Variants in NCOA7 observed in about 807,000 individuals in gnomAD.
The protein encoded by NCOA7 is 140 kDa estrogen receptor-associated protein.
In NCOA7, 45 loss-of-function variants were observed where a neutral mutation model predicts 104.3. The ratio of observed to expected loss-of-function variants is 0.43; its 90% CI spans 0.34 to 0.55. The LOEUF is 0.55. Among genes scored for constraint, NCOA7 ranks in the 20% least tolerant of loss-of-function variants. The probability of loss-of-function intolerance (pLI) is 0.02; values close to 1 mark genes in which losing one functional copy is unlikely to be tolerated. For synonymous variants in NCOA7, 398 were observed against 402.3 expected (o/e 0.99, Z 0.13); for missense variants, 1,041 against 1,119.7 (o/e 0.93, Z 1.00).
At chr6:125,895,298 G>A (rs575832776) in intron 10 of NCOA7, among the ~76,000 whole-genome samples, 1 of 152,216 alleles carries the variant, frequency 6.6e-6, no homozygotes, top group African/African-American at 2.4e-5. Flanking sequence ...TTTTTAAGTT[G>A]GTTAGTGTGA....
At chr6:125,825,493 T>A (rs1778588443) in intron 2 of NCOA7, among the ~76,000 whole-genome samples, 1 of 152,236 alleles carries the variant, frequency 6.6e-6, no homozygotes, top group Admixed American at 6.5e-5. Flanking sequence ...AATATATTAC[T>A]GTTGATTATG....
rs188143476 is a variant in NCOA7 at position 125,815,960 on chromosome 6, G to A, written c.50+556G>A. ...AGTATATGATTGGTTACCATTTACA[G>A]ATTTAAATGTCTATGTGGCACTCAC... is the stretch of plus-strand genomic sequence containing the variant. On this transcript the variant is annotated intron_variant, in intron 2 of 15. Coordinates refer to ENST00000392477, the MANE Select transcript of NCOA7 (RefSeq NM_181782.5). 1.4e-3 allele frequency among the ~76,000 whole-genome samples: 210 copies of A among 152,272 alleles called. 4 individuals carry two copies. Among genetic ancestry groups the A allele is most frequent in the East Asian group, 9.6e-3 (50 of 5,182 alleles).
At chr6:125,850,789 A>C (rs998750184) in intron 2 of NCOA7, among the ~76,000 whole-genome samples, 1 of 152,248 alleles carries the variant, frequency 6.6e-6, no homozygotes, top group African/African-American at 2.4e-5. Flanking sequence ...CAGCCAATAC[A>C]TCAGAATCAG....
Position 125,815,404 on chromosome 6 carries a change from G to T in NCOA7, c.50G>T (p.Arg17Leu), listed in dbSNP as rs768808874. 1 of 1,607,096 alleles carries T rather than the reference G, an allele frequency of 6.2e-7. No individual in the cohort carries two copies. Among genetic ancestry groups the T allele is most frequent in the Non-Finnish European group, 8.5e-7 (1 of 1,176,618 alleles). Reference sequence around the variant, plus strand: ...GAACGGAAACAAAGTTATTTTGCTCGGTAAGCATTCATTTTACAAAATTGT... The same window carrying T: ...GAACGGAAACAAAGTTATTTTGCTCTGTAAGCATTCATTTTACAAAATTGT... ...KKERKQSYFA[R>L]LKKKKQAKQN... Residue 17 changes from arginine (R) to leucine (L), a missense_variant and splice_region_variant, in exon 2 of 16, where the codon CGA becomes CTA. By Grantham distance (102) the Arg-to-Leu change is moderately radical. Transcript: ENST00000392477.
chr6:125,906,712 A>G (rs1311123434), intron 10 of NCOA7, among the ~76,000 whole-genome samples: 1 of 152,128 alleles, frequency 6.6e-6, no homozygotes, highest in Non-Finnish European at 1.5e-5. Flanking sequence ...CATAGCTGGT[A>G]TAGCCAGGAG....
intron 11 of NCOA7, among the ~76,000 whole-genome samples, chr6:125,916,133 C>T (rs749669104): frequency 1.8e-4 from 28 of 152,246 alleles, no homozygotes; most frequent in Admixed American, 1.0e-3. Flanking sequence ...TTTCCCCGTG[C>T]TGTTCTCATG....
intron 1 of NCOA7, among the ~76,000 whole-genome samples, chr6:125,792,488 G>C: frequency 6.6e-6 from 1 of 152,286 alleles, no homozygotes; most frequent in East Asian, 1.9e-4. Context: ...AGTTACGCCA[G>C]AGGAAACAAT....
chr6:125,793,244 C>G (rs536342965), intron 1 of NCOA7, among the ~76,000 whole-genome samples: 1 of 152,258 alleles, frequency 6.6e-6, no homozygotes, highest in East Asian at 1.9e-4. Context: ...AAATTTGTAA[C>G]CCAGGGTATT....
At chr6:125,795,972 G>C (rs763178304) in intron 1 of NCOA7, among the ~76,000 whole-genome samples, 56 of 152,126 alleles carry the variant, frequency 3.7e-4, no homozygotes, top group Non-Finnish European at 1.8e-4. Context: ...CTAATTGCCA[G>C]TTTCTGCACG....
chr6:125,842,030 TAAGA>T (rs1417290208), intron 2 of NCOA7, among the ~76,000 whole-genome samples: 4 of 152,274 alleles, frequency 2.6e-5, no homozygotes, highest in African/African-American at 9.6e-5. Flanking sequence ...CAGATTAATA[TAAGA>T]GTTTATTTTT....
chr6:125,919,952 G>A (rs1787426287), intron 11 of NCOA7, among the ~76,000 whole-genome samples: 1 of 152,160 alleles, frequency 6.6e-6, no homozygotes, highest in Admixed American at 6.5e-5. Flanking sequence ...ACATTTTGGT[G>A]AATTAGTTGT....
At position 125,865,599 on chromosome 6, in the gene NCOA7, G is replaced by T. The variant is rs183011956; in HGVS notation, c.272-9290G>T. Among the ~76,000 whole-genome samples the T allele has an allele frequency of 1.1e-4, 15 of 136,868 alleles. 2 individuals are homozygous for T. The highest frequency in any genetic ancestry group is 4.6e-4 in the African/African-American group (15 of 32,660). 89.8% of individuals were successfully genotyped at this position (136,868 alleles called of 152,430 possible). A position where few individuals can be genotyped will look rare whatever the true frequency, so the allele number is the denominator to read the frequency against. Reference sequence around the variant, plus strand: ...TTAATTGTGCTTTTTATAGAGTCAGGTCAATAATTTGAGATGTGTGCATCG... The same window carrying T: ...TTAATTGTGCTTTTTATAGAGTCAGTTCAATAATTTGAGATGTGTGCATCG... On this transcript the variant is annotated intron_variant, in intron 3 of 15. Transcript: ENST00000392477.
intron 3 of NCOA7, 144 bp from the exon 4 acceptor site, chr6:125,874,745 T>C: frequency 3.4e-6 from 2 of 596,640 alleles, no homozygotes. Context: ...TTTATGAGTA[T>C]GATCTATTTG....
chr6:125,794,919 A>G (rs898905656), intron 1 of NCOA7, among the ~76,000 whole-genome samples: 1 of 152,224 alleles, frequency 6.6e-6, no homozygotes, highest in Non-Finnish European at 1.5e-5. Context: ...AACACTCACC[A>G]GAGTGAATCG....
chr6:125,804,923 G>A (rs970398676), intron 1 of NCOA7, among the ~76,000 whole-genome samples: 6 of 151,796 alleles, frequency 4.0e-5, no homozygotes, highest in Non-Finnish European at 8.8e-5. Context: ...TGTGCTTTCC[G>A]GTTAGCTCTT....
In NCOA7 at chr6:125,930,897, T is replaced by C. The variant is rs1460345055; in HGVS notation, c.*2126T>C. 1 of 152,580 alleles carries C rather than the reference T, an allele frequency of 6.6e-6. No homozygotes were observed. The highest frequency in any genetic ancestry group is 1.9e-4 in the East Asian group (1 of 5,196). The allele number at this position is 152,580 out of a possible 1,614,324, so 9.5% of individuals were successfully genotyped here. A position where few individuals can be genotyped will look rare whatever the true frequency, so the allele number is the denominator to read the frequency against. On this transcript the variant is annotated 3_prime_UTR_variant, in exon 16 of 16. Transcript: ENST00000392477. ...CTGCAACCATATGCTATTAATAAAATGGAAAAAAACAAAATGGTCATTTTG... is the reference window on the plus strand; with the variant it reads ...CTGCAACCATATGCTATTAATAAAACGGAAAAAAACAAAATGGTCATTTTG...
chr6:125,895,128 C>T (rs1000590269), intron 10 of NCOA7, among the ~76,000 whole-genome samples: 1 of 152,054 alleles, frequency 6.6e-6, no homozygotes, highest in Non-Finnish European at 1.5e-5. Flanking sequence ...TAAAGTAAAA[C>T]TTTTCTCTTT....
chr6:125,790,153 G>A (rs991111127), upstream of NCOA7, among the ~76,000 whole-genome samples: 1 of 152,352 alleles, frequency 6.6e-6, no homozygotes. Flanking sequence ...CCGGGAACGG[G>A]AGGGGGAAGG....
At chr6:125,815,567 A>G (rs1301634300) in intron 2 of NCOA7, among the ~76,000 whole-genome samples, 163 bp downstream of exon 2, 1 of 152,204 alleles carries the variant, frequency 6.6e-6, no homozygotes, top group African/African-American at 2.4e-5. Context: ...TTTTATTCAT[A>G]TTAGAGGAGT....
Sources: allele counts gnomAD v4.1 joint callset (sites outside exome capture counted in the v4.1 genomes callset), GRCh38; gene constraint gnomAD v4.1.1; transcripts MANE v1.5; gene names NCBI Gene and HGNC (gene_info 2026-07-23, HGNC 2026-07-21).